Variants in KCNH7 observed in about 807,000 individuals in gnomAD.
KCNH7 encodes the protein voltage-gated inwardly rectifying potassium channel KCNH7.
A neutral mutation model predicts 120.8 loss-of-function variants in KCNH7; 49 were observed. The ratio of observed to expected loss-of-function variants is 0.41; its 90% CI spans 0.32 to 0.51. KCNH7 has a LOEUF of 0.51. Ranked by LOEUF, KCNH7 falls within the 20% of genes least tolerant of loss-of-function variation. KCNH7 has a pLI of 0.38. For missense variants in KCNH7, 1,097 were observed against 1,446.6 expected (o/e 0.76, Z 3.92); for synonymous variants, 547 against 516.1 (o/e 1.06, Z -0.81).
At chr2:162,769,497 A>G (rs1417969614) in intron 2 of KCNH7, among the ~76,000 whole-genome samples, 1 of 152,114 alleles carries the variant, frequency 6.6e-6, no homozygotes. Flanking sequence ...TTGCCCACAT[A>G]CTGCTATTGC....
chr2:162,409,478 A>G (rs1687324267), intron 9 of KCNH7, among the ~76,000 whole-genome samples: 1 of 151,964 alleles, frequency 6.6e-6, no homozygotes, highest in Admixed American at 6.6e-5. Context: ...CTTGAAGAGC[A>G]TATAACCACC....
chr2:162,789,403 A>T (rs1683839071), intron 2 of KCNH7, among the ~76,000 whole-genome samples: 1 of 152,078 alleles, frequency 6.6e-6, no homozygotes, highest in Admixed American at 6.5e-5. Flanking sequence ...CAGCAATACA[A>T]TAATAGTAGA....
intron 8 of KCNH7, among the ~76,000 whole-genome samples, chr2:162,425,984 C>A (rs1027955908): frequency 1.3e-5 from 2 of 152,094 alleles, no homozygotes; most frequent in Non-Finnish European, 1.5e-5. Context: ...GAGGCTGAGG[C>A]AGGTGGATCA....
Position 162,396,989 on chromosome 2 carries a change from A to T in KCNH7, c.2408-44T>A, listed in dbSNP as rs1686930944. ...AAAGAGGCGGGGAAAGGGAATCCAA[A>T]CTCAATGTTCTCCTTCTAAAAGTAG... is the stretch of plus-strand genomic sequence containing the variant. On this transcript the variant is annotated intron_variant, in intron 10 of 15. Transcript: ENST00000332142. 4 of 1,319,880 alleles carry T rather than the reference A, an allele frequency of 3.0e-6. No individual in the cohort carries two copies. In the East Asian group the frequency reaches 9.5e-5, roughly 31 times the overall value. 81.8% of individuals were successfully genotyped at this position (1,319,880 alleles called of 1,614,324 possible). A position where few individuals can be genotyped will look rare whatever the true frequency, so the allele number is the denominator to read the frequency against.
At chr2:162,794,171 A>C (rs1684053357) in intron 2 of KCNH7, among the ~76,000 whole-genome samples, 1 of 151,904 alleles carries the variant, frequency 6.6e-6, no homozygotes, top group South Asian at 2.1e-4. Flanking sequence ...TAGTCTGCAT[A>C]CTGGCTAGAA....
At chr2:162,586,193 A>C (rs2105924935) in intron 2 of KCNH7, among the ~76,000 whole-genome samples, 1 of 152,148 alleles carries the variant, frequency 6.6e-6, no homozygotes, top group East Asian at 1.9e-4. Context: ...TGGAGTCTCT[A>C]ATCCCACTCT....
intron 2 of KCNH7, among the ~76,000 whole-genome samples, chr2:162,792,607 T>C (rs994097156): frequency 1.3e-5 from 2 of 151,978 alleles, no homozygotes; most frequent in African/African-American, 4.8e-5. Flanking sequence ...TGTTTATATT[T>C]CTATAGGGTC....
chr2:162,675,553 T>C (rs778205430), intron 2 of KCNH7, among the ~76,000 whole-genome samples: 129 of 151,644 alleles, frequency 8.5e-4, no homozygotes, highest in Non-Finnish European at 1.7e-3. Flanking sequence ...ATGAATACAC[T>C]ATTGATACAC....
rs567462828 is a variant in KCNH7 at position 162,640,044 on chromosome 2, A to C, written c.308-102964T>G. ...AACTACACGATGCTGATTTTAAAAA[A>C]TCAAATATTTAAATAAATGTAGTGA... On this transcript the variant is annotated intron_variant, in intron 2 of 15. Transcript: ENST00000332142. 3.3e-5 allele frequency among the ~76,000 whole-genome samples: 5 copies of C among 152,308 alleles called. No individual in the cohort carries two copies. The South Asian group carries it at 1.0e-3, about 32-fold the overall frequency.
At chr2:162,623,313 A>G (rs1358468006) in intron 2 of KCNH7, among the ~76,000 whole-genome samples, 1 of 152,196 alleles carries the variant, frequency 6.6e-6, no homozygotes, top group Non-Finnish European at 1.5e-5. Context: ...GAGATACTAC[A>G]TATTGTAACT....
At chr2:162,650,116 A>G (rs1043938570) in intron 2 of KCNH7, among the ~76,000 whole-genome samples, 6 of 152,192 alleles carry the variant, frequency 3.9e-5, no homozygotes, top group African/African-American at 1.2e-4. Context: ...CTGGCAGCAC[A>G]CGGGCATTAT....
chr2:162,684,483 G>A (rs937110997), intron 2 of KCNH7, among the ~76,000 whole-genome samples: 1 of 152,000 alleles, frequency 6.6e-6, no homozygotes, highest in Non-Finnish European at 1.5e-5. Context: ...AATCTAGAAA[G>A]AACTTAAACA....
At position 162,656,311 on chromosome 2, in the gene KCNH7, TAA is replaced by T. The variant is rs1470544705; in HGVS notation, c.308-119233_308-119232del. 3.9e-5 allele frequency among the ~76,000 whole-genome samples: 6 copies of T among 152,284 alleles called. No homozygotes were observed. The South Asian group carries it at 1.0e-3, about 26-fold the overall frequency. On this transcript the variant is annotated intron_variant, in intron 2 of 15. Transcript: ENST00000332142. ...TTCTATAAAAAGACTATATAGATCA[TAA>T]AGTCTGTAAAGACCATAAAATAGTG...
At chr2:162,513,157 C>CT (rs1691137288) in intron 4 of KCNH7, among the ~76,000 whole-genome samples, 1 of 58,372 alleles carries the variant, frequency 1.7e-5, no homozygotes, top group Non-Finnish European at 4.9e-5. Context: ...TCCTTCCTCC[C>CT]TCCCTCCCTC....
At chr2:162,569,218 G>T (rs1443379344) in intron 2 of KCNH7, among the ~76,000 whole-genome samples, 2 of 151,180 alleles carry the variant, frequency 1.3e-5, no homozygotes, top group East Asian at 3.9e-4. Context: ...CCTGTTATTG[G>T]TCTATTCAGA....
chr2:162,581,487 G>T (rs187663740), intron 2 of KCNH7, among the ~76,000 whole-genome samples: 1 of 152,148 alleles, frequency 6.6e-6, no homozygotes, highest in African/African-American at 2.4e-5. Flanking sequence ...GGGCACATTC[G>T]TTTGGAGGTG....
chr2:162,507,088 G>T (rs1465967256), intron 5 of KCNH7, among the ~76,000 whole-genome samples: 2 of 151,760 alleles, frequency 1.3e-5, no homozygotes, highest in African/African-American at 2.4e-5. Context: ...CCATGTAGAG[G>T]TAAGAATATA....
At chr2:162,722,500 A>G (rs1687352826) in intron 2 of KCNH7, among the ~76,000 whole-genome samples, 1 of 152,076 alleles carries the variant, frequency 6.6e-6, no homozygotes, top group African/African-American at 2.4e-5. Context: ...TTAATATGTG[A>G]CAAGTCATTT....
intron 3 of KCNH7, among the ~76,000 whole-genome samples, chr2:162,521,656 A>C (rs957754734): frequency 6.6e-6 from 1 of 151,872 alleles, no homozygotes; most frequent in Non-Finnish European, 1.5e-5. Context: ...TATGAAGTGC[A>C]TGTGATATTT....
Sources: gnomAD v4.1 joint callset for allele counts (sites outside exome capture counted in the v4.1 genomes callset) on GRCh38, gnomAD v4.1.1 for gene constraint, MANE v1.5 for transcripts, NCBI Gene and HGNC (gene_info 2026-07-23, HGNC 2026-07-21) for gene names.